Variants in TBC1D16 observed in about 807,000 individuals in gnomAD.
TBC1D16 encodes the protein TBC1 domain family member 16.
A neutral mutation model predicts 74.7 loss-of-function variants in TBC1D16; 58 were observed. The observed-to-expected ratio is 0.78, with a 90% CI of 0.63 to 0.97. TBC1D16 has a LOEUF of 0.97. Ranked by LOEUF, TBC1D16 falls within the 50% of genes least tolerant of loss-of-function variation. The pLI is 0.00. For missense variants in TBC1D16, 1,014 were observed against 1,079.5 expected (o/e 0.94, Z 0.85); for synonymous variants, 493 against 474.7 (o/e 1.04, Z -0.50).
intron 1 of TBC1D16, among the ~76,000 whole-genome samples, chr17:80,026,365 CAG>C (rs1266971755): frequency 6.7e-6 from 1 of 149,976 alleles, no homozygotes; most frequent in Non-Finnish European, 1.5e-5. Context: ...GCAGAGGTGG[CAG>C]TGAGCCAAGA....
At chr17:80,018,220 G>A (rs1328332165) in intron 1 of TBC1D16, among the ~76,000 whole-genome samples, 3 of 135,266 alleles carry the variant, frequency 2.2e-5, no homozygotes, top group Admixed American at 1.4e-4. Flanking sequence ...ATAATTTTTA[G>A]CATAATATAT....
rs368366563 is a variant in TBC1D16 at position 79,971,049 on chromosome 17, G to T, written c.780-18231C>A. Among the ~76,000 whole-genome samples the T allele has an allele frequency of 1.3e-3, 194 of 151,092 alleles. 1 individual carries two copies. The highest frequency in any genetic ancestry group is 4.6e-3 in the African/African-American group (189 of 41,124). The stretch of plus-strand genomic sequence containing the variant: ...ATTTTTTATTTTTTTTTGAGATGGA[G>T]TCTGTCTCCATTGCCCAGGCTGGAG... On this transcript the variant is annotated intron_variant, in intron 3 of 11. Coordinates refer to ENST00000310924, the MANE Select transcript of TBC1D16 (RefSeq NM_019020.4). The surrounding 1 kb of genome is among the most constrained non-coding windows in gnomAD (Gnocchi z 4.6).
chr17:79,953,704 T>C (rs2033191542), intron 3 of TBC1D16, among the ~76,000 whole-genome samples: 4 of 152,238 alleles, frequency 2.6e-5, no homozygotes, highest in South Asian at 4.1e-4. Flanking sequence ...AAATATCTTA[T>C]TATATGGATT....
intron 3 of TBC1D16, among the ~76,000 whole-genome samples, chr17:79,958,960 C>T (rs1258579814): frequency 1.3e-5 from 2 of 152,206 alleles, no homozygotes; most frequent in African/African-American, 2.4e-5. Context: ...AGAACTGCCC[C>T]TATTTTCAGT....
chr17:80,031,572 G>A (rs772202111), intron 1 of TBC1D16, among the ~76,000 whole-genome samples: 15 of 152,176 alleles, frequency 9.9e-5, no homozygotes, highest in African/African-American at 2.4e-4. Context: ...ACTGTCCAGC[G>A]GTCACCCTGA....
intron 4 of TBC1D16, chr17:79,952,022 C>T (rs2033082562): frequency 6.3e-6 from 1 of 158,400 alleles, no homozygotes; most frequent in Admixed American, 6.3e-5. Flanking sequence ...CTGGGAGAAC[C>T]CTCCAGGGAA....
intron 1 of TBC1D16, among the ~76,000 whole-genome samples, chr17:80,026,612 C>G (rs1480631156): frequency 6.7e-6 from 1 of 149,804 alleles, no homozygotes; most frequent in Non-Finnish European, 1.5e-5. Flanking sequence ...GAGTCAAAGA[C>G]AACGTTTGGT....
At chr17:79,951,149 A>G (rs1320399530) in intron 5 of TBC1D16, among the ~76,000 whole-genome samples, 1 of 152,256 alleles carries the variant, frequency 6.6e-6, no homozygotes, top group Non-Finnish European at 1.5e-5. Context: ...AAGCACATAC[A>G]GTACCTTAAA....
In TBC1D16 at chr17:79,985,437, C is replaced by T. The variant is rs190828319; in HGVS notation, c.779+24723G>A. ...AGACACAGTTCCCCGAAACTGAAGA[C>T]GTGTTTACTCACTTTTTTTGGACAG... On this transcript the variant is annotated intron_variant, in intron 3 of 11. Coordinates refer to ENST00000310924, the MANE Select transcript of TBC1D16 (RefSeq NM_019020.4). The surrounding 1 kb of genome is among the most constrained non-coding windows in gnomAD (Gnocchi z 4.9). Among the ~76,000 whole-genome samples, 3 of 152,340 alleles carry T rather than the reference C, an allele frequency of 2.0e-5. No homozygotes were observed. The highest frequency in any genetic ancestry group is 1.9e-4 in the East Asian group (1 of 5,184).
rs1208448076 is a variant in TBC1D16, at chr17:79,990,517, C to T, written c.779+19643G>A. 6.6e-6 allele frequency among the ~76,000 whole-genome samples: 1 copy of T among 152,248 alleles called. No individual in the cohort carries two copies. The highest frequency in any genetic ancestry group is 2.4e-5 in the African/African-American group (1 of 41,462). ...GGCAGTTCTCAAAAGGATGGGAAAA[C>T]GTGCACCAGTCTCACAGTCCCAGTC... On this transcript the variant is annotated intron_variant, in intron 3 of 11. Transcript: ENST00000310924. The surrounding 1 kb of genome is among the most constrained non-coding windows in gnomAD (Gnocchi z 4.8).
At chr17:80,027,713 G>A (rs752812109) in intron 1 of TBC1D16, among the ~76,000 whole-genome samples, 17 of 151,440 alleles carry the variant, frequency 1.1e-4, no homozygotes, top group Admixed American at 7.2e-4. Flanking sequence ...CCAACATGGC[G>A]AAACCCCGTC....
At position 79,950,360 on chromosome 17, in the gene TBC1D16, C is replaced by G. The variant is rs746412786; in HGVS notation, c.1257+51G>C. ...GCCCTCCTTCCCTCTCGCTCGTTCC[C>G]GGTTCCCGGCCGGCTCTCCGCGGGG... On this transcript the variant is annotated intron_variant, in intron 6 of 11. Coordinates refer to ENST00000310924, the MANE Select transcript of TBC1D16 (RefSeq NM_019020.4). The surrounding 1 kb of genome is among the most constrained non-coding windows in gnomAD (Gnocchi z 4.6). 2 of 1,532,184 alleles carry G rather than the reference C, an allele frequency of 1.3e-6. No homozygotes were observed. Among genetic ancestry groups the G allele is most frequent in the African/African-American group, 1.4e-5 (1 of 72,756 alleles). The allele number at this position is 1,532,184 out of a possible 1,614,324, so 94.9% of individuals were successfully genotyped here.
intron 9 of TBC1D16, among the ~76,000 whole-genome samples, chr17:79,946,359 A>G (rs541868194): frequency 5.4e-4 from 83 of 152,346 alleles, no homozygotes; most frequent in African/African-American, 1.9e-3. Flanking sequence ...AATCTAATGC[A>G]GCCGCTGATC....
In TBC1D16 at chr17:79,944,877, C is replaced by T; in HGVS notation, c.1908+31G>A. 6.5e-7 allele frequency: 1 copy of T among 1,530,558 alleles called. No individual in the cohort carries two copies. Among genetic ancestry groups the T allele is most frequent in the Non-Finnish European group, 8.8e-7 (1 of 1,137,338 alleles). The allele number at this position is 1,530,558 out of a possible 1,614,324, so 94.8% of individuals were successfully genotyped here. On this transcript the variant is annotated intron_variant, in intron 10 of 11. Coordinates refer to ENST00000310924, the MANE Select transcript of TBC1D16 (RefSeq NM_019020.4). This position sits in a 1 kb window ranked among gnomAD's most constrained non-coding sequence, Gnocchi z 7.7. ...GGTGGTTCAGGGGCCATGGTCCCAACCTCCCCAGCCCTGGCCCCTGCCCTG... is the reference window on the plus strand; with the variant it reads ...GGTGGTTCAGGGGCCATGGTCCCAATCTCCCCAGCCCTGGCCCCTGCCCTG...
In TBC1D16 at chr17:79,981,927, A is replaced by G. The variant is rs1243747832; in HGVS notation, c.779+28233T>C. On this transcript the variant is annotated intron_variant, in intron 3 of 11. Coordinates refer to ENST00000310924, the MANE Select transcript of TBC1D16 (RefSeq NM_019020.4). The surrounding 1 kb of genome is among the most constrained non-coding windows in gnomAD (Gnocchi z 6.9). ...CCTGTGCGCACACACACACGCACAC[A>G]CACACACATGCACATGTATTAAAGC... Among the ~76,000 whole-genome samples, 4 of 152,188 alleles carry G rather than the reference A, an allele frequency of 2.6e-5. No homozygotes were observed. Among genetic ancestry groups the G allele is most frequent in the Admixed American group, 1.3e-4 (2 of 15,278 alleles).
intron 3 of TBC1D16, among the ~76,000 whole-genome samples, chr17:79,991,304 T>C (rs1763842623): frequency 6.6e-6 from 1 of 152,102 alleles, no homozygotes; most frequent in Non-Finnish European, 1.5e-5. Flanking sequence ...CATCTCTGCT[T>C]TGGGGCCAGA....
At chr17:79,970,704 C>T (rs539590283) in intron 3 of TBC1D16, among the ~76,000 whole-genome samples, 9 of 152,270 alleles carry the variant, frequency 5.9e-5, no homozygotes, top group South Asian at 4.1e-4. Context: ...CTGGGCACGG[C>T]CACTCTAGAG....
intron 5 of TBC1D16, 94 bp downstream of exon 5, chr17:79,951,354 CGG>C: frequency 2.0e-6 from 3 of 1,470,896 alleles, no homozygotes; most frequent in Non-Finnish European, 2.7e-6. Flanking sequence ...CCCCGGGGCC[CGG>C]GGACCCCAGA....
In TBC1D16 at chr17:79,948,926, T is replaced by C. The variant is rs1464530324; in HGVS notation, c.1487A>G (p.Asp496Gly). 1.9e-6 allele frequency: 3 copies of C among 1,614,030 alleles called. No homozygotes were observed. Among genetic ancestry groups the C allele is most frequent in the Admixed American group, 1.7e-5 (1 of 60,002 alleles). Residue 496 changes from aspartate to glycine, a missense_variant, in exon 8 of 12, where the codon GAT (aspartate) becomes GGT (glycine). Asp to Gly is a moderately conservative substitution (Grantham distance 94, BLOSUM62 -1). Coordinates refer to ENST00000310924, the MANE Select transcript of TBC1D16 (RefSeq NM_019020.4). ...CCCCCGGAAGAACTGGTTGTTCCGA[T>C]CTGTCCGGACCACGTCTTTGTCCAC... ...FTVDKDVVRT[D>G]RNNQFFRGED...
Sources: allele counts gnomAD v4.1 joint callset (sites outside exome capture counted in the v4.1 genomes callset), GRCh38; gene constraint gnomAD v4.1.1; non-coding constraint Gnocchi (gnomAD v3.1); transcripts MANE v1.5; gene names NCBI Gene and HGNC (gene_info 2026-07-23, HGNC 2026-07-21).